DGKB: variants seen among roughly 807,000 people sequenced by gnomAD.
DGKB encodes the protein 90 kDa diacylglycerol kinase.
A neutral mutation model predicts 114.3 loss-of-function variants in DGKB; 67 were observed. That is an observed-to-expected ratio of 0.59 (90% CI 0.48 to 0.72). The LOEUF is 0.72. DGKB is among the 30% of genes least tolerant of loss of function. DGKB has a pLI of 0.00. For missense variants in DGKB, 907 were observed against 975.2 expected (o/e 0.93, Z 0.93); for synonymous variants, 398 against 323.1 (o/e 1.23, Z -2.49).
At chr7:14,717,021 G>T (rs573459855) in intron 6 of DGKB, among the ~76,000 whole-genome samples, 35 of 151,628 alleles carry the variant, frequency 2.3e-4, no homozygotes, top group African/African-American at 8.2e-4. Flanking sequence ...AGAGAGAAGG[G>T]GGTTGAGAAC....
chr7:14,500,198 T>C (rs1785932156), intron 20 of DGKB, among the ~76,000 whole-genome samples: 1 of 151,864 alleles, frequency 6.6e-6, no homozygotes, highest in African/African-American at 2.4e-5. Context: ...TATCCTCCTT[T>C]TCTCGTAGTC....
At chr7:14,697,995 AAAAAAGAAAGAAAGAAAG>A (rs1824358526) in intron 8 of DGKB, 82 bp downstream of exon 8, 9 of 656,240 alleles carry the variant, frequency 1.4e-5, no homozygotes, top group Non-Finnish European at 2.3e-5. Flanking sequence ...GAGAGAAAGA[AAAAAAGAAAGAAAGAAAG>A]AAAGAGAAAG....
At chr7:14,572,734 A>C (rs1381596884) in intron 20 of DGKB, among the ~76,000 whole-genome samples, 4 of 152,172 alleles carry the variant, frequency 2.6e-5, no homozygotes, top group Non-Finnish European at 5.9e-5. Flanking sequence ...AACAGCAAAA[A>C]GGGAAACAAT....
intron 2 of DGKB, among the ~76,000 whole-genome samples, chr7:14,801,429 G>C (rs6461133): frequency 0.36 from 55,185 of 151,910 alleles, 13,219 homozygotes; most frequent in African/African-American, 0.67. Context: ...AATTAAACAT[G>C]GTTTCTGAGT....
intron 1 of DGKB, among the ~76,000 whole-genome samples, chr7:14,949,140 A>T (rs143494289): frequency 0.011 from 1,626 of 151,948 alleles, 17 homozygotes; most frequent in African/African-American, 0.038. Flanking sequence ...ATACGAAAAA[A>T]CAGGTATTTT....
At chr7:14,968,192 T>C (rs1028388136) in intron 1 of DGKB, among the ~76,000 whole-genome samples, 2 of 151,240 alleles carry the variant, frequency 1.3e-5, no homozygotes, top group South Asian at 2.1e-4. Flanking sequence ...CATTAAAGTA[T>C]GGAGATTATA....
intron 1 of DGKB, among the ~76,000 whole-genome samples, chr7:14,956,023 G>T (rs77456427): frequency 0.015 from 2,299 of 151,962 alleles, 42 homozygotes; most frequent in African/African-American, 0.052. Context: ...TTCTAAGACA[G>T]ATATACAAAT....
intron 5 of DGKB, among the ~76,000 whole-genome samples, chr7:14,729,089 C>T (rs1239114644): frequency 2.7e-5 from 4 of 150,474 alleles, no homozygotes; most frequent in Non-Finnish European, 5.9e-5. Context: ...GTCTGCCTCT[C>T]CCCACTAGAA....
At chr7:14,259,481 C>T (rs529656795) in intron 23 of DGKB, among the ~76,000 whole-genome samples, 64 of 151,468 alleles carry the variant, frequency 4.2e-4, no homozygotes, top group Non-Finnish European at 6.9e-4. Flanking sequence ...GGCTGGAGTG[C>T]GGTGGCGTGA....
chr7:14,920,782 G>A (rs1472224209), intron 1 of DGKB, among the ~76,000 whole-genome samples: 1 of 152,096 alleles, frequency 6.6e-6, no homozygotes, highest in Non-Finnish European at 1.5e-5. Context: ...AAGTAAACTA[G>A]GGTACGTCTC....
At chr7:14,837,137 T>G (rs548286798) in intron 2 of DGKB, among the ~76,000 whole-genome samples, 1 of 152,290 alleles carries the variant, frequency 6.6e-6, no homozygotes, top group Admixed American at 6.5e-5. Context: ...AACACAGATA[T>G]ATTAAGTTAC....
chr7:14,416,548 ACC>A (rs941821600), intron 21 of DGKB, among the ~76,000 whole-genome samples: 5 of 151,890 alleles, frequency 3.3e-5, no homozygotes, highest in African/African-American at 1.2e-4. Flanking sequence ...TGTGGGAGGG[ACC>A]CAGTGGGAGG....
chr7:14,313,357 G>A (rs1005219912), intron 23 of DGKB, among the ~76,000 whole-genome samples: 8 of 152,036 alleles, frequency 5.3e-5, no homozygotes, highest in African/African-American at 1.7e-4. Context: ...TTCCATCTGA[G>A]GTACCGGGTT....
At chr7:14,511,159 A>G (rs986724494) in intron 20 of DGKB, among the ~76,000 whole-genome samples, 5 of 152,226 alleles carry the variant, frequency 3.3e-5, no homozygotes, top group Non-Finnish European at 7.3e-5. Context: ...GAAGCTTTGA[A>G]GCCATGTACT....
intron 20 of DGKB, among the ~76,000 whole-genome samples, chr7:14,541,025 CCTT>C (rs1289608348): frequency 3.3e-5 from 5 of 152,168 alleles, no homozygotes; most frequent in Admixed American, 2.6e-4. Context: ...CCACCAGACT[CCTT>C]CTTGATAGAC....
intron 23 of DGKB, among the ~76,000 whole-genome samples, chr7:14,213,341 T>C (rs1242428000): frequency 6.6e-6 from 1 of 152,132 alleles, no homozygotes; most frequent in Non-Finnish European, 1.5e-5. Flanking sequence ...TGAATGATTC[T>C]CAAGATAGAG....
chr7:14,852,931 T>C (rs1355471966), intron 1 of DGKB, among the ~76,000 whole-genome samples: 3 of 152,210 alleles, frequency 2.0e-5, no homozygotes, highest in African/African-American at 7.2e-5. Flanking sequence ...TCTGACTTTG[T>C]ATTGAATTAG....
At chr7:14,845,059 A>C (rs1222955594) in intron 1 of DGKB, among the ~76,000 whole-genome samples, 2 of 129,236 alleles carry the variant, frequency 1.5e-5, no homozygotes, top group African/African-American at 5.8e-5. Flanking sequence ...GTGGGCTTTG[A>C]TTGCACCACT....
At chr7:14,263,508 A>C (rs958062124) in intron 23 of DGKB, among the ~76,000 whole-genome samples, 1 of 152,132 alleles carries the variant, frequency 6.6e-6, no homozygotes, top group Non-Finnish European at 1.5e-5. Context: ...GTTTCTGTAC[A>C]TGACATGCTC....
Sources: gnomAD v4.1 joint callset for allele counts (sites outside exome capture counted in the v4.1 genomes callset) on GRCh38, gnomAD v4.1.1 for gene constraint, MANE v1.5 for transcripts, NCBI Gene and HGNC (gene_info 2026-07-23, HGNC 2026-07-21) for gene names.